The following PTPRG variants were observed in gnomAD, a reference collection of about 807,000 sequenced individuals.
PTPRG encodes the protein protein tyrosine phosphatase receptor type G.
In PTPRG, 102 loss-of-function variants were observed where a neutral mutation model predicts 165.3. That is an observed-to-expected ratio of 0.62 (90% CI 0.53 to 0.73). The LOEUF (loss-of-function observed/expected upper bound fraction) is 0.73. Among genes scored for constraint, PTPRG ranks in the 30% least tolerant of loss-of-function variants. The probability of loss-of-function intolerance (pLI) is 0.00; values close to 1 mark genes in which losing one functional copy is unlikely to be tolerated. For synonymous variants in PTPRG, 675 were observed against 669.5 expected (o/e 1.01, Z -0.13); for missense variants, 1,866 against 1,861.4 (o/e 1.00, Z -0.05).
chr3:61,845,072 T>A (rs1203838226), intron 2 of PTPRG, among the ~76,000 whole-genome samples: 1 of 152,248 alleles, frequency 6.6e-6, no homozygotes, highest in African/African-American at 2.4e-5. Context: ...AATTGATTCA[T>A]TCATTTTGTC....
At chr3:61,718,534 A>T (rs556565903) in intron 1 of PTPRG, among the ~76,000 whole-genome samples, 1 of 152,296 alleles carries the variant, frequency 6.6e-6, no homozygotes, top group African/African-American at 2.4e-5. Flanking sequence ...AGACTGTTTT[A>T]TATTAGTTAT....
intron 5 of PTPRG, among the ~76,000 whole-genome samples, chr3:62,089,484 G>T (rs921376328): frequency 6.6e-5 from 10 of 152,168 alleles, no homozygotes; most frequent in African/African-American, 2.4e-4. Context: ...TTGCAAGAAC[G>T]TCCATGATAG....
chr3:61,719,634 G>A (rs912905810), intron 1 of PTPRG, among the ~76,000 whole-genome samples: 3 of 152,134 alleles, frequency 2.0e-5, no homozygotes, highest in South Asian at 2.1e-4. Context: ...TCCCTTTTCC[G>A]TTTTCTCAAT....
At chr3:61,707,590 A>G (rs1048815459) in intron 1 of PTPRG, among the ~76,000 whole-genome samples, 1 of 152,210 alleles carries the variant, frequency 6.6e-6, no homozygotes, top group Non-Finnish European at 1.5e-5. Context: ...TCAGCTGATT[A>G]GGTGATCCCA....
At chr3:62,056,479 T>C (rs1253004147) in intron 4 of PTPRG, among the ~76,000 whole-genome samples, 2 of 152,188 alleles carry the variant, frequency 1.3e-5, no homozygotes, top group Admixed American at 1.3e-4. Context: ...AGACAATTCT[T>C]CTTCCATTGT....
chr3:61,613,547 A>G (rs998868387), intron 1 of PTPRG, among the ~76,000 whole-genome samples: 3 of 152,208 alleles, frequency 2.0e-5, no homozygotes, highest in Middle Eastern at 6.3e-3. Flanking sequence ...AACCCACCCA[A>G]TTACAGTGCC....
At chr3:61,830,065 G>A (rs1341954103) in intron 2 of PTPRG, among the ~76,000 whole-genome samples, 1 of 152,192 alleles carries the variant, frequency 6.6e-6, no homozygotes, top group African/African-American at 2.4e-5. Context: ...CAGCATCTTT[G>A]TTATACACAG....
intron 2 of PTPRG, among the ~76,000 whole-genome samples, chr3:61,910,814 C>T (rs935882702): frequency 2.6e-5 from 4 of 152,202 alleles, no homozygotes; most frequent in Admixed American, 6.5e-5. Context: ...AAGCCCCAGA[C>T]GGTCCCTGCT....
At chr3:61,581,622 T>C (rs987354589) in intron 1 of PTPRG, among the ~76,000 whole-genome samples, 3 of 151,134 alleles carry the variant, frequency 2.0e-5, no homozygotes, top group Non-Finnish European at 4.4e-5. Context: ...TTTTTTTTTT[T>C]TTTTTATGAG....
rs751582799 is a variant in PTPRG, at chr3:62,203,768, G to T, written c.1973G>T (p.Gly658Val). 1 of 1,611,442 alleles carries T rather than the reference G, an allele frequency of 6.2e-7. No individual in the cohort carries two copies. Among genetic ancestry groups the T allele is most frequent in the East Asian group, 2.2e-5 (1 of 44,826 alleles). ...GCCGTCCCCACAGACCAGACGGGCGGAAGGAGGGATGCCGGCCCAGGCCTG... is the reference window on the plus strand; with the variant it reads ...GCCGTCCCCACAGACCAGACGGGCGTAAGGAGGGATGCCGGCCCAGGCCTG... ...HTAVPTDQTG[G>V]RRDAGPGLDP... The change falls in exon 12 of 30, where the codon GGA (glycine) becomes GTA (valine). Residue 658 changes from glycine (G) to valine (V), a missense_variant. Physicochemically the swap from Gly to Val is moderately radical, Grantham distance 109. Coordinates refer to ENST00000474889, the MANE Select transcript of PTPRG (RefSeq NM_002841.4). The surrounding 1 kb of genome is among the most constrained non-coding windows in gnomAD (Gnocchi z 6.4).
intron 2 of PTPRG, among the ~76,000 whole-genome samples, chr3:61,898,872 G>A (rs2038428830): frequency 6.6e-6 from 1 of 152,148 alleles, no homozygotes; most frequent in Non-Finnish European, 1.5e-5. Flanking sequence ...GTAACATTGT[G>A]TCCCTGGACA....
At chr3:62,121,250 G>C (rs986459008) in intron 5 of PTPRG, among the ~76,000 whole-genome samples, 1 of 152,058 alleles carries the variant, frequency 6.6e-6, no homozygotes, top group Non-Finnish European at 1.5e-5. Context: ...ACCGCGCCCA[G>C]CCTATAGCTA....
intron 1 of PTPRG, among the ~76,000 whole-genome samples, chr3:61,740,684 G>T (rs997176742): frequency 3.3e-5 from 5 of 151,742 alleles, no homozygotes; most frequent in Admixed American, 2.6e-4. Flanking sequence ...TCTAGGATAC[G>T]ACATTGCTGT....
At chr3:62,209,564 A>G (rs533765935) in intron 12 of PTPRG, among the ~76,000 whole-genome samples, 1 of 152,172 alleles carries the variant, frequency 6.6e-6, no homozygotes, top group South Asian at 2.1e-4. Context: ...ACTTGTAAGG[A>G]CTATCAGAAG....
intron 1 of PTPRG, among the ~76,000 whole-genome samples, chr3:61,688,337 G>A (rs1264366555): frequency 6.6e-6 from 1 of 152,190 alleles, no homozygotes; most frequent in African/African-American, 2.4e-5. Context: ...CTCCCCACGG[G>A]CCAGCCTAGA....
At chr3:62,167,260 C>T (rs1280107741) in intron 7 of PTPRG, among the ~76,000 whole-genome samples, 1 of 152,036 alleles carries the variant, frequency 6.6e-6, no homozygotes, top group Admixed American at 6.5e-5. Flanking sequence ...CTCCGATTAC[C>T]CATCTGGTAA....
At chr3:61,838,328 G>A (rs1392189851) in intron 2 of PTPRG, among the ~76,000 whole-genome samples, 12 of 152,162 alleles carry the variant, frequency 7.9e-5, no homozygotes. Flanking sequence ...GGCCTGACTG[G>A]AGACTTAGGC....
intron 1 of PTPRG, among the ~76,000 whole-genome samples, chr3:61,673,122 C>T (rs1047733678): frequency 1.3e-5 from 2 of 151,900 alleles, no homozygotes; most frequent in African/African-American, 4.8e-5. Context: ...GATCGTGGCA[C>T]CTGCACTCCA....
chr3:62,279,843 T>A (rs1229989225), intron 26 of PTPRG, among the ~76,000 whole-genome samples: 1 of 152,086 alleles, frequency 6.6e-6, no homozygotes, highest in Non-Finnish European at 1.5e-5. Context: ...TATTCAGAAT[T>A]ATTTCTGACT....
Sources: allele counts gnomAD v4.1 joint callset (sites outside exome capture counted in the v4.1 genomes callset), GRCh38; gene constraint gnomAD v4.1.1; non-coding constraint Gnocchi (gnomAD v3.1); transcripts MANE v1.5; gene names NCBI Gene and HGNC (gene_info 2026-07-23, HGNC 2026-07-21).